The following SPTBN1 variants were observed in gnomAD, a reference collection of about 807,000 sequenced individuals.
SPTBN1 encodes the protein spectrin beta, non-erythrocytic 1, also known as spectrin beta chain, non-erythrocytic 1.
SPTBN1 carries 32 observed loss-of-function variants against 266.4 expected under a neutral mutation model. The ratio of observed to expected loss-of-function variants is 0.12; its 90% CI spans 0.09 to 0.16. The LOEUF (loss-of-function observed/expected upper bound fraction) is 0.16. SPTBN1 is among the 10% of genes least tolerant of loss of function. The pLI is 1.00. For synonymous variants in SPTBN1, 1,336 were observed against 1,162.2 expected, an observed-to-expected ratio of 1.15 and a Z score of -3.04; for missense variants, 2,296 against 3,067.1, an observed-to-expected ratio of 0.75 and a Z score of 5.94.
chr2:54,616,380 A>T, intron 5 of SPTBN1, 82 bp downstream of exon 5: 1 of 1,240,622 alleles, frequency 8.1e-7, no homozygotes, highest in Non-Finnish European at 1.1e-6. Flanking sequence ...AGGTGTTGAC[A>T]GGTATCTTTT....
intron 2 of SPTBN1, among the ~76,000 whole-genome samples, chr2:54,543,492 G>A (rs1180525090): frequency 1.3e-5 from 2 of 152,100 alleles, no homozygotes; most frequent in African/African-American, 4.8e-5. Flanking sequence ...ATGGCCTGAC[G>A]ACACTGGGGA....
chr2:54,600,644 C>T lies in SPTBN1; in HGVS notation c.300+1401C>T, dbSNP rs1291908164. On this transcript the variant is annotated intron_variant, in intron 3 of 35. Transcript: ENST00000356805. ...CAGCTTTAAGTATAATTTTTATAAC[C>T]AGACTTCCTTTGTCTACCTCTCAAC... Among the ~76,000 whole-genome samples, 5 of 151,880 alleles carry T rather than the reference C, an allele frequency of 3.3e-5. 1 individual carries two copies. Among genetic ancestry groups the T allele is most frequent in the Admixed American group, 1.3e-4 (2 of 15,248 alleles).
chr2:54,666,035 T>C lies in SPTBN1; in HGVS notation c.6780T>C (p.Ala2260=). The C allele has an allele frequency of 6.2e-7, 1 of 1,614,054 alleles. No individual in the cohort carries two copies. The highest frequency in any genetic ancestry group is 8.5e-7 in the Non-Finnish European group (1 of 1,179,980). Residue 2260 remains alanine, a synonymous_variant, in exon 34 of 36, where the codon GCT becomes GCC. Coordinates refer to ENST00000356805, the MANE Select transcript of SPTBN1 (RefSeq NM_003128.3). Reference sequence around the variant, plus strand: ...AGGTCCCTGTGAGTTTGAAAGAAGCTGTCTGCGAAGTGGCCCTTGATTACA... The same window carrying C: ...AGGTCCCTGTGAGTTTGAAAGAAGCCGTCTGCGAAGTGGCCCTTGATTACA... ...HSEVPVSLKE[A]VCEVALDYKK...
At chr2:54,582,577 AAAAG>A (rs1368991924) in intron 2 of SPTBN1, among the ~76,000 whole-genome samples, 5 of 152,046 alleles carry the variant, frequency 3.3e-5, no homozygotes, top group Non-Finnish European at 7.4e-5. Flanking sequence ...AAAAAAAAAA[AAAAG>A]AAATATGGAG....
intron 2 of SPTBN1, among the ~76,000 whole-genome samples, chr2:54,579,350 G>A (rs926371476): frequency 6.6e-6 from 1 of 152,114 alleles, no homozygotes; most frequent in Non-Finnish European, 1.5e-5. Context: ...CATTTTTTGG[G>A]ACTGATTCTC....
At chr2:54,542,003 G>C (rs1671968693) in intron 2 of SPTBN1, among the ~76,000 whole-genome samples, 1 of 152,170 alleles carries the variant, frequency 6.6e-6, no homozygotes, top group African/African-American at 2.4e-5. Flanking sequence ...GGAATATCCT[G>C]TGGTAGTTAG....
rs140473095 is a variant in SPTBN1 at position 54,549,514 on chromosome 2, A to C, written c.148+22948A>C. ...GTGAATGGCTCATGGTCACATAGCC[A>C]GTCAGTGTTAAAAGCTGAGAATGGA... On this transcript the variant is annotated intron_variant, in intron 2 of 35. Transcript: ENST00000356805. 6.2e-3 allele frequency among the ~76,000 whole-genome samples: 947 copies of C among 152,330 alleles called. 6 individuals are homozygous for C. The highest frequency in any genetic ancestry group is 0.01 in the Non-Finnish European group (696 of 68,036).
intron 2 of SPTBN1, among the ~76,000 whole-genome samples, chr2:54,592,706 T>C (rs1675763511): frequency 6.6e-6 from 1 of 152,218 alleles, no homozygotes; most frequent in Non-Finnish European, 1.5e-5. Context: ...CCTTTTTTTC[T>C]AATACATCTT....
chr2:54,566,787 C>T (rs907079232), intron 2 of SPTBN1, among the ~76,000 whole-genome samples: 13 of 151,930 alleles, frequency 8.6e-5, no homozygotes, highest in East Asian at 7.8e-4. Flanking sequence ...GCCAAGATTG[C>T]GCCACTGCAC....
intron 2 of SPTBN1, among the ~76,000 whole-genome samples, chr2:54,574,055 T>C (rs1306490937): frequency 2.0e-5 from 3 of 152,128 alleles, no homozygotes; most frequent in Non-Finnish European, 4.4e-5. Flanking sequence ...GGGACACAAA[T>C]GTTGGGGTTG....
chr2:54,619,926 CA>C (rs1390338594), intron 7 of SPTBN1, among the ~76,000 whole-genome samples: 2 of 152,254 alleles, frequency 1.3e-5, no homozygotes, highest in South Asian at 2.1e-4. Context: ...ACAAGGCTGT[CA>C]GGGGCGGCGA....
chr2:54,622,631 G>C, intron 9 of SPTBN1, 144 bp downstream of exon 9: 1 of 942,764 alleles, frequency 1.1e-6, no homozygotes. Context: ...ATCTGACTCT[G>C]TTTTGCTGAG....
intron 1 of SPTBN1, among the ~76,000 whole-genome samples, chr2:54,500,918 T>C (rs1176047509): frequency 6.6e-6 from 1 of 152,176 alleles, no homozygotes; most frequent in African/African-American, 2.4e-5. Context: ...CAGGTGACAG[T>C]GATGTGCAGC....
At chr2:54,539,158 A>T (rs535476186) in intron 2 of SPTBN1, among the ~76,000 whole-genome samples, 2 of 152,342 alleles carry the variant, frequency 1.3e-5, no homozygotes, top group South Asian at 4.1e-4. Context: ...CCTTGAAGAC[A>T]GTGACAGTGG....
intron 2 of SPTBN1, chr2:54,529,930 T>C: frequency 8.1e-6 from 3 of 371,160 alleles, no homozygotes. Flanking sequence ...CCACTTGACT[T>C]TGAGGAAAGG....
At chr2:54,647,052 T>G in intron 23 of SPTBN1, 79 bp from the exon 24 acceptor site, 3 of 1,604,286 alleles carry the variant, frequency 1.9e-6, no homozygotes, top group Non-Finnish European at 2.6e-6. Context: ...CCTACCCTGC[T>G]GAGCAGCTGG....
chr2:54,624,632 A>G (rs1429900691), intron 10 of SPTBN1, among the ~76,000 whole-genome samples, 172 bp from the exon 11 acceptor site: 1 of 152,180 alleles, frequency 6.6e-6, no homozygotes, highest in Non-Finnish European at 1.5e-5. Context: ...CACTGAGAGA[A>G]AAACCCGTTT....
chr2:54,670,330 G>T lies in SPTBN1; in HGVS notation c.*1761G>T. The T allele has an allele frequency of 4.1e-5, 7 of 170,228 alleles. No homozygotes were observed. The highest frequency in any genetic ancestry group is 1.5e-4 in the East Asian group (1 of 6,598). 10.5% of individuals were successfully genotyped at this position (170,228 alleles called of 1,614,324 possible). On this transcript the variant is annotated 3_prime_UTR_variant, in exon 36 of 36. Transcript: ENST00000356805. ...TTTTCCTGGGTTATCTGGGTATGTT[G>T]ACTCCATGCCACTTGCATAAAGCAG...
chr2:54,524,819 G>A (rs1558804828), intron 1 of SPTBN1, among the ~76,000 whole-genome samples: 1 of 152,114 alleles, frequency 6.6e-6, no homozygotes, highest in South Asian at 2.1e-4. Context: ...TGCTTCCTTT[G>A]CCTGAAACAC....
Sources: gnomAD v4.1 joint callset for allele counts (sites outside exome capture counted in the v4.1 genomes callset) on GRCh38, gnomAD v4.1.1 for gene constraint, MANE v1.5 for transcripts, NCBI Gene and HGNC (gene_info 2026-07-23, HGNC 2026-07-21) for gene names.